HAS2: variants seen among roughly 807,000 people sequenced by gnomAD.
The protein encoded by HAS2 is hyaluronan synthase 2.
HAS2 carries 16 observed loss-of-function variants against 51.6 expected under a neutral mutation model. That is an observed-to-expected ratio of 0.31 (90% CI 0.21 to 0.47). The LOEUF is 0.47. Ranked by LOEUF, HAS2 falls within the 20% of genes least tolerant of loss-of-function variation. HAS2 has a pLI of 1.00. For synonymous variants in HAS2, 228 were observed against 235.5 expected (o/e 0.97, Z 0.29); for missense variants, 361 against 662.6 (o/e 0.54, Z 5.00).
chr8:121,613,863 G>A lies in HAS2; in HGVS notation c.*246C>T, dbSNP rs1232867466. 1.8e-6 allele frequency: 1 copy of A among 565,306 alleles called. No homozygotes were observed. Among genetic ancestry groups the A allele is most frequent in the South Asian group, 2.0e-5 (1 of 49,154 alleles). The allele number at this position is 565,306 out of a possible 1,614,324, so 35.0% of individuals were successfully genotyped here. A position where few individuals can be genotyped will look rare whatever the true frequency, so the allele number is the denominator to read the frequency against. On this transcript the variant is annotated 3_prime_UTR_variant, in exon 4 of 4. Transcript: ENST00000303924. ...CACTTTCAGGCGGATGCACAGTAAGGAAAAAGTGCATAAACAAAGAATTCA... is the reference window on the plus strand; with the variant it reads ...CACTTTCAGGCGGATGCACAGTAAGAAAAAAGTGCATAAACAAAGAATTCA...
Position 121,619,577 on chromosome 8 carries a change from C to T in HAS2, c.628-2371G>A, listed in dbSNP as rs562279263. Among the ~76,000 whole-genome samples the T allele has an allele frequency of 1.1e-4, 17 of 152,162 alleles. 1 individual carries two copies. The highest frequency in any genetic ancestry group is 3.9e-4 in the African/African-American group (16 of 41,514). Reference sequence around the variant, plus strand: ...AGGCAGAAGCTAGGCATTCGCTTTTCATTGTAAAAAACAGGATTTTACTGA... The same window carrying T: ...AGGCAGAAGCTAGGCATTCGCTTTTTATTGTAAAAAACAGGATTTTACTGA... On this transcript the variant is annotated intron_variant, in intron 2 of 3. Coordinates refer to ENST00000303924, the MANE Select transcript of HAS2 (RefSeq NM_005328.3).
chr8:121,625,248 T>C (rs552643161), intron 2 of HAS2, among the ~76,000 whole-genome samples: 1 of 152,028 alleles, frequency 6.6e-6, no homozygotes, highest in East Asian at 1.9e-4. Flanking sequence ...TGTCAATCAG[T>C]TGGGTATTTG....
In HAS2 at chr8:121,629,349, T is replaced by C; in HGVS notation, c.1-9A>G. ...AACCTCTCACAATGCATCTGTAATA[T>C]AATCAGATGATACTCTTGGTTAACC... is the stretch of plus-strand genomic sequence containing the variant. On this transcript the variant is annotated splice_polypyrimidine_tract_variant and intron_variant, in intron 1 of 3. Coordinates refer to ENST00000303924, the MANE Select transcript of HAS2 (RefSeq NM_005328.3). 2 of 1,591,644 alleles carry C rather than the reference T, an allele frequency of 1.3e-6. No homozygotes were observed. Among genetic ancestry groups the C allele is most frequent in the African/African-American group, 1.3e-5 (1 of 74,342 alleles).
At chr8:121,628,654 A>G in intron 2 of HAS2, 60 bp downstream of exon 2, 1 of 1,494,620 alleles carries the variant, frequency 6.7e-7, no homozygotes, top group Non-Finnish European at 9.2e-7. Context: ...ATGACTGGAC[A>G]GATACAAAAG....
chr8:121,622,155 C>T (rs1007507828), intron 2 of HAS2, among the ~76,000 whole-genome samples: 1 of 152,040 alleles, frequency 6.6e-6, no homozygotes, highest in Non-Finnish European at 1.5e-5. Flanking sequence ...AATAGAAATT[C>T]TGCATCACCC....
intron 2 of HAS2, among the ~76,000 whole-genome samples, chr8:121,620,520 G>A (rs778601384): frequency 1.3e-5 from 2 of 152,264 alleles, no homozygotes; most frequent in Admixed American, 1.3e-4. Flanking sequence ...GTGTATCAGC[G>A]TAATTCGTTG....
intron 1 of HAS2, among the ~76,000 whole-genome samples, chr8:121,632,837 C>G (rs917506710): frequency 6.6e-6 from 1 of 151,904 alleles, no homozygotes; most frequent in African/African-American, 2.4e-5. Context: ...TTTTTTTAAG[C>G]ATAATCTTAT....
chr8:121,622,389 C>T (rs1335191800), intron 2 of HAS2, among the ~76,000 whole-genome samples: 3 of 152,094 alleles, frequency 2.0e-5, no homozygotes, highest in Non-Finnish European at 2.9e-5. Context: ...TATGTAAACT[C>T]GGACTCGTTT....
At chr8:121,617,607 G>C (rs7836766) in intron 2 of HAS2, among the ~76,000 whole-genome samples, 5,214 of 151,982 alleles carry the variant, frequency 0.034, 327 homozygotes, top group African/African-American at 0.12. Flanking sequence ...ATGTTTTCTT[G>C]TTACCTTCAA....
rs1255510743 is a variant in HAS2, at chr8:121,612,235, G to C, written c.*1874C>G. ...TTAATTCAACTTTTTATAAGAATGA[G>C]AGAATTTGACATTTGAATGTTATCA... is the stretch of plus-strand genomic sequence containing the variant. On this transcript the variant is annotated 3_prime_UTR_variant, in exon 4 of 4. Transcript: ENST00000303924. 6.6e-6 allele frequency: 1 copy of C among 152,116 alleles called. No individual in the cohort carries two copies. Among genetic ancestry groups the C allele is most frequent in the African/African-American group, 2.4e-5 (1 of 41,432 alleles). The allele number at this position is 152,116 out of a possible 1,614,324, so 9.4% of individuals were successfully genotyped here.
rs1813097671 is a variant in HAS2 at position 121,641,180 on chromosome 8, TGGGCTTCAGTCTTTC to T, written c.-343_-329del. ...TTTCTTTTTTTTTTTTTTTTTTTTTTGGGCTTCAGTCTTTCTGCCCCCGATAACAGAAAATCTCTT... is the reference window on the plus strand; with the variant it reads ...TTTCTTTTTTTTTTTTTTTTTTTTTTTGCCCCCGATAACAGAAAATCTCTT... On this transcript the variant is annotated 5_prime_UTR_variant, in exon 1 of 4. Transcript: ENST00000303924. The T allele has an allele frequency of 1.4e-5, 1 of 70,786 alleles. No individual in the cohort carries two copies. Among genetic ancestry groups the T allele is most frequent in the African/African-American group, 6.8e-5 (1 of 14,620 alleles). The allele number at this position is 70,786 out of a possible 1,614,324, so 4.4% of individuals were successfully genotyped here.
At chr8:121,629,434 A>G (rs1812899295) in intron 1 of HAS2, 94 bp from the exon 2 acceptor site, 4 of 1,014,446 alleles carry the variant, frequency 3.9e-6, no homozygotes, top group South Asian at 1.6e-5. Context: ...GACTAGAAGC[A>G]TTCAGGAGTT....
intron 1 of HAS2, among the ~76,000 whole-genome samples, chr8:121,638,428 C>T (rs557883892): frequency 2.0e-5 from 3 of 152,242 alleles, no homozygotes; most frequent in Non-Finnish European, 2.9e-5. Context: ...TAAAGGGATT[C>T]GACTCCGGGT....
At chr8:121,634,586 T>C (rs1812983458) in intron 1 of HAS2, among the ~76,000 whole-genome samples, 1 of 151,934 alleles carries the variant, frequency 6.6e-6, no homozygotes. Context: ...GCTTGGCACA[T>C]AGCAGGGACT....
intron 2 of HAS2, among the ~76,000 whole-genome samples, chr8:121,620,308 A>G (rs1408651798): frequency 6.6e-6 from 1 of 152,232 alleles, no homozygotes; most frequent in Non-Finnish European, 1.5e-5. Context: ...CCATACAGCA[A>G]GAACAGGCTT....
chr8:121,632,830 T>A (rs1812951604), intron 1 of HAS2, among the ~76,000 whole-genome samples: 1 of 152,164 alleles, frequency 6.6e-6, no homozygotes, highest in Non-Finnish European at 1.5e-5. Flanking sequence ...AAGTTTCTTT[T>A]TTTAAGCATA....
chr8:121,629,440 G>T, intron 1 of HAS2, 100 bp from the exon 2 acceptor site: 2 of 944,776 alleles, frequency 2.1e-6, no homozygotes, highest in South Asian at 1.7e-5. Context: ...AAGCATTCAG[G>T]AGTTTTAACA....
At chr8:121,619,170 G>C (rs1331671764) in intron 2 of HAS2, among the ~76,000 whole-genome samples, 1 of 150,830 alleles carries the variant, frequency 6.6e-6, no homozygotes, top group African/African-American at 2.4e-5. Flanking sequence ...GAGCCCAGGA[G>C]TTTGAGACCA....
rs1439593275 is a variant in HAS2, at chr8:121,629,387, C to T, written c.1-47G>A. 4.8e-6 allele frequency: 7 copies of T among 1,458,252 alleles called. No homozygotes were observed. The South Asian group carries it at 6.3e-5, about 13-fold the overall frequency. 90.3% of individuals were successfully genotyped at this position (1,458,252 alleles called of 1,614,324 possible). A position where few individuals can be genotyped will look rare whatever the true frequency, so the allele number is the denominator to read the frequency against. On this transcript the variant is annotated intron_variant, in intron 1 of 3. Transcript: ENST00000303924. ...CTCTTGGTTAACCATGATTGTCCCACACTTGTTATATACCTAGTATCATGG... is the reference window on the plus strand; with the variant it reads ...CTCTTGGTTAACCATGATTGTCCCATACTTGTTATATACCTAGTATCATGG...
Sources: gnomAD v4.1 joint callset for allele counts (sites outside exome capture counted in the v4.1 genomes callset) on GRCh38, gnomAD v4.1.1 for gene constraint, MANE v1.5 for transcripts, NCBI Gene and HGNC (gene_info 2026-07-23, HGNC 2026-07-21) for gene names.